Variants in PHACTR1 observed in about 807,000 individuals in gnomAD.
PHACTR1 encodes phosphatase and actin regulator 1.
In PHACTR1, 16 loss-of-function variants were observed where a neutral mutation model predicts 69.2. That is an observed-to-expected ratio of 0.23 (90% CI 0.16 to 0.35). The LOEUF (loss-of-function observed/expected upper bound fraction) is 0.35, where lower values mean the gene tolerates loss of function less well. Among genes scored for constraint, PHACTR1 ranks in the 10% least tolerant of loss-of-function variants. The pLI, the probability that PHACTR1 is intolerant of heterozygous loss-of-function variation, is 1.00. For missense variants in PHACTR1, 510 were observed against 734.7 expected, an observed-to-expected ratio of 0.69 and a Z score of 3.54; for synonymous variants, 312 against 284.5, an observed-to-expected ratio of 1.10 and a Z score of -0.97.
At chr6:13,205,361 G>A (rs1006785417) in intron 7 of PHACTR1, among the ~76,000 whole-genome samples, 1 of 152,114 alleles carries the variant, frequency 6.6e-6, no homozygotes, top group African/African-American at 2.4e-5. Flanking sequence ...CCTGTTAAAG[G>A]TTCCACCTCC....
intron 4 of PHACTR1, among the ~76,000 whole-genome samples, chr6:12,934,835 C>CA (rs1325225621): frequency 0.019 from 2,615 of 139,254 alleles, 58 homozygotes; most frequent in African/African-American, 0.059. Flanking sequence ...GATCCTCTCT[C>CA]AAAAAAAAAA....
chr6:13,137,438 A>C (rs1355776342), intron 5 of PHACTR1, among the ~76,000 whole-genome samples: 1 of 152,250 alleles, frequency 6.6e-6, no homozygotes, highest in Admixed American at 6.5e-5. Context: ...ATAAATGAAT[A>C]ACTGAACTGG....
chr6:13,126,486 C>T (rs1422483372), intron 5 of PHACTR1, among the ~76,000 whole-genome samples: 1 of 152,214 alleles, frequency 6.6e-6, no homozygotes, highest in Non-Finnish European at 1.5e-5. Flanking sequence ...AGAGACCAAA[C>T]TCTTCCCACT....
chr6:13,248,082 T>C (rs1773842839), intron 10 of PHACTR1, among the ~76,000 whole-genome samples: 2 of 152,200 alleles, frequency 1.3e-5, no homozygotes, highest in South Asian at 4.1e-4. Flanking sequence ...AAGCCTGCCA[T>C]ATCAGTACAG....
At chr6:13,224,285 A>G (rs1000484845) in intron 8 of PHACTR1, among the ~76,000 whole-genome samples, 1 of 152,244 alleles carries the variant, frequency 6.6e-6, no homozygotes, top group African/African-American at 2.4e-5. Flanking sequence ...TCTCCCATAA[A>G]CACAGGCAAG....
chr6:13,140,577 A>G (rs1822288390), intron 5 of PHACTR1, among the ~76,000 whole-genome samples: 1 of 152,216 alleles, frequency 6.6e-6, no homozygotes, highest in African/African-American at 2.4e-5. Flanking sequence ...TGAGACACCT[A>G]TCATAGCCAA....
At chr6:13,189,326 A>AT (rs561596864) in intron 7 of PHACTR1, among the ~76,000 whole-genome samples, 5 of 151,514 alleles carry the variant, frequency 3.3e-5, no homozygotes, top group South Asian at 2.1e-4. Flanking sequence ...GCATGAACCT[A>AT]TTTTTTTTGA....
In PHACTR1 at chr6:13,182,551, T is replaced by C. The variant is rs1259509463; in HGVS notation, c.529T>C (p.Ser177Pro). 1 of 1,613,726 alleles carries C rather than the reference T, an allele frequency of 6.2e-7. No individual in the cohort carries two copies. Among genetic ancestry groups the C allele is most frequent in the African/African-American group, 1.3e-5 (1 of 74,904 alleles). Reference protein sequence around the residue: ...GELSISNEEDSLENGQSLSSS... With the variant: ...GELSISNEEDPLENGQSLSSS... ...ACTCTCTATATCCAATGAAGAGGAC[T>C]CCCTAGAAAATGGGCAGTCCCTGAG... is the stretch of plus-strand genomic sequence containing the variant. Residue 177 changes from serine (S) to proline (P), a missense_variant, in exon 7 of 15, where the codon TCC (serine) becomes CCC (proline). Ser to Pro is a moderately conservative substitution (Grantham distance 74). Transcript: ENST00000332995.
chr6:12,890,619 C>G (rs1468222098), intron 4 of PHACTR1, among the ~76,000 whole-genome samples: 1 of 152,150 alleles, frequency 6.6e-6, no homozygotes, highest in Admixed American at 6.5e-5. Context: ...AGGGCCTTTG[C>G]TCTAGGCGTT....
At chr6:13,158,322 CAAAT>C (rs1021875424) in intron 5 of PHACTR1, among the ~76,000 whole-genome samples, 7 of 152,156 alleles carry the variant, frequency 4.6e-5, no homozygotes, top group Admixed American at 2.6e-4. Flanking sequence ...TCTGGTTTGA[CAAAT>C]AAAACTCTTG....
chr6:12,940,412 CT>C (rs1287620424), intron 4 of PHACTR1, among the ~76,000 whole-genome samples: 2 of 152,124 alleles, frequency 1.3e-5, no homozygotes, highest in African/African-American at 4.8e-5. Context: ...GGTTACTTTT[CT>C]TTAGGGCAAA....
intron 4 of PHACTR1, among the ~76,000 whole-genome samples, chr6:12,962,324 T>A (rs947548355): frequency 3.0e-4 from 46 of 152,108 alleles, no homozygotes; most frequent in African/African-American, 1.0e-3. Context: ...TTTCTCCAAA[T>A]AGAGTCACAT....
rs1780914067 is a variant in PHACTR1 at position 13,284,017 on chromosome 6, T to C, written c.1650+455T>C. 4 of 165,162 alleles carry C rather than the reference T, an allele frequency of 2.4e-5. No individual in the cohort carries two copies. The Admixed American group carries it at 2.4e-4, about 10-fold the overall frequency. 10.2% of individuals were successfully genotyped at this position (165,162 alleles called of 1,614,324 possible). A position where few individuals can be genotyped will look rare whatever the true frequency, so the allele number is the denominator to read the frequency against. On this transcript the variant is annotated intron_variant, in intron 13 of 14. Coordinates refer to ENST00000332995, the MANE Select transcript of PHACTR1 (RefSeq NM_030948.6). ...AATCAAAGAGACGTCGCAAAACATA[T>C]CTCACTGCACTAGCCCCTCGCCGAT...
At chr6:12,830,018 A>C (rs1777267855) in intron 4 of PHACTR1, among the ~76,000 whole-genome samples, 1 of 137,784 alleles carries the variant, frequency 7.3e-6, no homozygotes, top group Admixed American at 7.3e-5. Flanking sequence ...GGAAGGAAGG[A>C]AAAGAAAGAA....
intron 5 of PHACTR1, among the ~76,000 whole-genome samples, chr6:13,055,890 C>T (rs1312130586): frequency 6.6e-6 from 1 of 152,236 alleles, no homozygotes; most frequent in Admixed American, 6.5e-5. Flanking sequence ...AGCAGAGTTG[C>T]TAACCTTAAA....
rs1201610452 is a variant in PHACTR1 at position 13,287,152 on chromosome 6, T to C, written c.*74T>C. ...TAAGAACCATAAGTGCTGGTATTTATTCACTTCCCCATTACGATGTAAATC... is the reference window on the plus strand; with the variant it reads ...TAAGAACCATAAGTGCTGGTATTTACTCACTTCCCCATTACGATGTAAATC... On this transcript the variant is annotated 3_prime_UTR_variant, in exon 15 of 15. Transcript: ENST00000332995. The C allele has an allele frequency of 7.3e-7, 1 of 1,370,172 alleles. No individual in the cohort carries two copies. Among genetic ancestry groups the C allele is most frequent in the African/African-American group, 1.4e-5 (1 of 69,368 alleles). 84.9% of individuals were successfully genotyped at this position (1,370,172 alleles called of 1,614,324 possible). A position where few individuals can be genotyped will look rare whatever the true frequency, so the allele number is the denominator to read the frequency against.
chr6:13,218,320 C>T (rs1227660632), intron 8 of PHACTR1, among the ~76,000 whole-genome samples: 1 of 152,170 alleles, frequency 6.6e-6, no homozygotes, highest in African/African-American at 2.4e-5. Flanking sequence ...TCCTACTCAT[C>T]AGCCTGTACC....
chr6:13,231,087 G>GGGAAAAGA (rs1421725478), intron 10 of PHACTR1, among the ~76,000 whole-genome samples: 1 of 16,206 alleles, frequency 6.2e-5, no homozygotes, highest in Non-Finnish European at 9.0e-5. Flanking sequence ...AAGGAAGGAA[G>GGGAAAAGA]AAGGAAGGAA....
chr6:12,858,657 A>G (rs532037106), intron 4 of PHACTR1, among the ~76,000 whole-genome samples: 1 of 152,066 alleles, frequency 6.6e-6, no homozygotes, highest in Admixed American at 6.6e-5. Context: ...ATTGCAGGAC[A>G]TGGTGGTGTG....
Sources: gnomAD v4.1 joint callset for allele counts (sites outside exome capture counted in the v4.1 genomes callset) on GRCh38, gnomAD v4.1.1 for gene constraint, MANE v1.5 for transcripts, NCBI Gene and HGNC (gene_info 2026-07-23, HGNC 2026-07-21) for gene names.